MYLK: variants seen among roughly 807,000 people sequenced by gnomAD.
The protein encoded by MYLK is myosin light chain kinase.
MYLK carries 106 observed loss-of-function variants against 203.4 expected under a neutral mutation model. The observed-to-expected ratio is 0.52, with a 90% CI of 0.45 to 0.61. The LOEUF is 0.61. Among genes scored for constraint, MYLK ranks in the 20% least tolerant of loss-of-function variants. The pLI is 0.00. For synonymous variants in MYLK, 867 were observed against 959.5 expected, an observed-to-expected ratio of 0.90 and a Z score of 1.78; for missense variants, 2,072 against 2,442.3, an observed-to-expected ratio of 0.85 and a Z score of 3.20.
At chr3:123,806,581 A>G (rs898782336) in intron 3 of MYLK, among the ~76,000 whole-genome samples, 3 of 152,246 alleles carry the variant, frequency 2.0e-5, no homozygotes, top group Non-Finnish European at 2.9e-5. Context: ...ATGAACATTT[A>G]GCTACTTATT....
chr3:123,833,349 T>C (rs566753972), intron 2 of MYLK, among the ~76,000 whole-genome samples: 37 of 152,178 alleles, frequency 2.4e-4, no homozygotes, highest in Non-Finnish European at 1.9e-4. Context: ...CCCCCCTCAA[T>C]GTATATCCAT....
intron 16 of MYLK, among the ~76,000 whole-genome samples, chr3:123,704,390 C>G (rs2061369239): frequency 6.6e-6 from 1 of 152,182 alleles, no homozygotes; most frequent in African/African-American, 2.4e-5. Flanking sequence ...TAACCAGTTA[C>G]AAAATCAGGG....
intron 14 of MYLK, 119 bp downstream of exon 14, chr3:123,709,637 G>A: frequency 7.4e-7 from 1 of 1,342,762 alleles, no homozygotes; most frequent in Non-Finnish European, 1.1e-6. Flanking sequence ...TCCATCACCT[G>A]ATGGTCCCAT....
rs536990820 is a variant in MYLK at position 123,786,285 on chromosome 3, C to T, written c.165+7392G>A. 2.0e-5 allele frequency among the ~76,000 whole-genome samples: 3 copies of T among 147,954 alleles called. No homozygotes were observed. In the East Asian group the frequency reaches 5.9e-4, roughly 29 times the overall value. The stretch of plus-strand genomic sequence containing the variant: ...GTCACTGCACTCCAGCTTGGGGCAA[C>T]AGAGTAAGACTCCATCTCAAAAAAA... On this transcript the variant is annotated intron_variant, in intron 4 of 33. Coordinates refer to ENST00000360304, the MANE Select transcript of MYLK (RefSeq NM_053025.4).
In MYLK at chr3:123,614,118, TCTTCCC is replaced by T. The variant is rs781353257; in HGVS notation, c.5726_5731del (p.Gly1909_Glu1910del). 4.3e-6 allele frequency: 7 copies of T among 1,613,660 alleles called. No individual in the cohort carries two copies. Among genetic ancestry groups the T allele is most frequent in the Non-Finnish European group, 5.9e-6 (7 of 1,179,916 alleles). On this transcript the variant is annotated inframe_deletion, in exon 34 of 34. Transcript: ENST00000360304. ...TCTGGCTTTGTTTCACTCTTCTTCC[TCTTCCC>T]CTTCCCCTTCACCTTCCTCCATCGT...
Position 123,828,270 on chromosome 3 carries a change from G to A in MYLK, c.-4+3278C>T, listed in dbSNP as rs141850171. On this transcript the variant is annotated intron_variant, in intron 3 of 33. Coordinates refer to ENST00000360304, the MANE Select transcript of MYLK (RefSeq NM_053025.4). Reference sequence around the variant, plus strand: ...CATAAAAACAGACACATAGACCAACGGAACAAATAGAGAACCCAGAAATTA... The same window carrying A: ...CATAAAAACAGACACATAGACCAACAGAACAAATAGAGAACCCAGAAATTA... Among the ~76,000 whole-genome samples, 5 of 152,056 alleles carry A rather than the reference G, an allele frequency of 3.3e-5. No individual in the cohort carries two copies. The East Asian group carries it at 7.7e-4, about 24-fold the overall frequency.
chr3:123,762,064 C>T (rs527330171), intron 4 of MYLK, among the ~76,000 whole-genome samples: 6 of 152,174 alleles, frequency 3.9e-5, no homozygotes, highest in South Asian at 2.1e-4. Flanking sequence ...CCAAAACACC[C>T]GTACCTGGTT....
intron 23 of MYLK, among the ~76,000 whole-genome samples, chr3:123,661,957 A>G (rs2059578175): frequency 6.6e-6 from 1 of 152,160 alleles, no homozygotes; most frequent in African/African-American, 2.4e-5. Flanking sequence ...TTGTCTTCCC[A>G]GCTCTGTATT....
chr3:123,684,428 G>A (rs2060377824), intron 19 of MYLK, among the ~76,000 whole-genome samples: 1 of 152,194 alleles, frequency 6.6e-6, no homozygotes. Context: ...CCAGGGGCAT[G>A]GAGTCAGTCT....
At chr3:123,862,187 T>A (rs1210218178) in intron 2 of MYLK, among the ~76,000 whole-genome samples, 5 of 152,216 alleles carry the variant, frequency 3.3e-5, no homozygotes, top group Non-Finnish European at 7.3e-5. Flanking sequence ...CTTCTTACTG[T>A]AACTTCATGG....
intron 2 of MYLK, among the ~76,000 whole-genome samples, chr3:123,851,313 G>C (rs141293384): frequency 1.3e-5 from 2 of 152,260 alleles, no homozygotes; most frequent in African/African-American, 4.8e-5. Flanking sequence ...GGGATGGCCT[G>C]AATCTATAAA....
intron 13 of MYLK, chr3:123,715,849 AC>A (rs1332100490): frequency 1.3e-5 from 2 of 152,208 alleles, no homozygotes; most frequent in African/African-American, 4.8e-5. Flanking sequence ...GTGTTTTTCT[AC>A]CTGCCAACAT....
intron 4 of MYLK, among the ~76,000 whole-genome samples, chr3:123,787,175 C>T (rs1478311968): frequency 6.6e-6 from 1 of 152,102 alleles, no homozygotes; most frequent in Non-Finnish European, 1.5e-5. Context: ...CTCTTCTGTA[C>T]TCTAATGAAA....
intron 21 of MYLK, 45 bp downstream of exon 21, chr3:123,667,092 T>C: frequency 3.1e-6 from 5 of 1,588,676 alleles, no homozygotes; most frequent in Non-Finnish European, 4.3e-6. Flanking sequence ...AAAACCCCCA[T>C]GGTAGATGAC....
intron 2 of MYLK, among the ~76,000 whole-genome samples, chr3:123,865,277 T>C (rs952537654): frequency 6.6e-6 from 1 of 152,222 alleles, no homozygotes; most frequent in Non-Finnish European, 1.5e-5. Context: ...TTATTAGCTA[T>C]CATCAAACCA....
At chr3:123,681,773 G>A (rs1005465771) in intron 20 of MYLK, 1 of 240,856 alleles carries the variant, frequency 4.2e-6, no homozygotes, top group Non-Finnish European at 8.4e-6. Flanking sequence ...GCACTAACAT[G>A]TGGAGCTTTG....
At chr3:123,719,927 G>A (rs763274908) in intron 13 of MYLK, among the ~76,000 whole-genome samples, 8 of 152,204 alleles carry the variant, frequency 5.3e-5, no homozygotes, top group South Asian at 2.1e-4. Context: ...GAGCAGCCCC[G>A]AGCCTCCTGA....
chr3:123,798,437 C>A (rs2109136797), intron 3 of MYLK, among the ~76,000 whole-genome samples: 1 of 152,256 alleles, frequency 6.6e-6, no homozygotes, highest in East Asian at 1.9e-4. Context: ...AGACTCTTCT[C>A]TACCTTTGCT....
chr3:123,728,073 T>C (rs1374199601), intron 11 of MYLK, among the ~76,000 whole-genome samples: 1 of 152,154 alleles, frequency 6.6e-6, no homozygotes, highest in Admixed American at 6.5e-5. Context: ...GGATGTGGAA[T>C]GGCAAAGTAA....
Sources: allele counts gnomAD v4.1 joint callset (sites outside exome capture counted in the v4.1 genomes callset), GRCh38; gene constraint gnomAD v4.1.1; transcripts MANE v1.5; gene names NCBI Gene and HGNC (gene_info 2026-07-23, HGNC 2026-07-21).